Variants in BCHE observed in about 807,000 individuals in gnomAD.
BCHE encodes butyrylcholinesterase, also known as cholinesterase.
A neutral mutation model predicts 51.3 loss-of-function variants in BCHE; 48 were observed. The observed-to-expected ratio is 0.94, with a 90% CI of 0.74 to 1.19. BCHE has a LOEUF of 1.19. Among genes scored for constraint, BCHE ranks in the 50% most tolerant of loss-of-function variants. The pLI is 0.00. For missense variants in BCHE, 847 were observed against 708.2 expected (o/e 1.20, Z -2.23); for synonymous variants, 251 against 238.0 (o/e 1.05, Z -0.50).
chr3:165,778,472 A>C (rs1330485949), intron 3 of BCHE: 1 of 218,424 alleles, frequency 4.6e-6, no homozygotes, highest in Non-Finnish European at 1.0e-5. Context: ...TTTCTCATTT[A>C]AAATTACTAA....
intron 3 of BCHE, among the ~76,000 whole-genome samples, chr3:165,781,854 ATAAT>A (rs987071751): frequency 5.3e-5 from 8 of 152,312 alleles, no homozygotes; most frequent in African/African-American, 1.9e-4. Flanking sequence ...GGTATGAAAA[ATAAT>A]AAATAATAAA....
chr3:165,828,384 C>T (rs936013192), intron 2 of BCHE, among the ~76,000 whole-genome samples: 3 of 151,956 alleles, frequency 2.0e-5, no homozygotes, highest in Admixed American at 6.6e-5. Flanking sequence ...CCTTTTAATG[C>T]TAGGTGGAAG....
intron 2 of BCHE, among the ~76,000 whole-genome samples, chr3:165,822,052 G>A (rs1217976414): frequency 6.6e-6 from 1 of 151,974 alleles, no homozygotes; most frequent in Non-Finnish European, 1.5e-5. Flanking sequence ...GTGCTGTGAT[G>A]TTACTTCCAA....
rs539504704 is a variant in BCHE at position 165,829,715 on chromosome 3, C to G, written c.1319G>C (p.Trp440Ser). 1.9e-4 allele frequency: 306 copies of G among 1,613,876 alleles called. 3 individuals carry two copies. In the South Asian group the frequency reaches 3.2e-3, roughly 17 times the overall value. ...ATAGTAGAAAAAGGCATTATTTCCC[C>G]ATTCTGAGAACTTCTTGGTGAACTC... ...ALEFTKKFSE[W>S]GNNAFFYYFE... The change falls in exon 2 of 4, where the codon TGG becomes TCG. Residue 440 changes from tryptophan (W) to serine (S), a missense_variant. Transcript: ENST00000264381.
intron 1 of BCHE, among the ~76,000 whole-genome samples, chr3:165,834,164 T>C (rs907238448): frequency 5.9e-5 from 9 of 152,092 alleles, no homozygotes; most frequent in African/African-American, 1.9e-4. Context: ...TCATTGTTTA[T>C]GTTAAACAGT....
At chr3:165,818,661 G>A (rs1714395184) in intron 2 of BCHE, among the ~76,000 whole-genome samples, 1 of 151,950 alleles carries the variant, frequency 6.6e-6, no homozygotes, top group Non-Finnish European at 1.5e-5. Context: ...TCTAGTAAAT[G>A]GAAACTACCA....
chr3:165,794,310 A>T (rs1183936802), intron 2 of BCHE, among the ~76,000 whole-genome samples: 1 of 152,166 alleles, frequency 6.6e-6, no homozygotes, highest in Non-Finnish European at 1.5e-5. Context: ...TGAATCTTTA[A>T]AGATAAAAGA....
chr3:165,825,286 T>C (rs998362871), intron 2 of BCHE, among the ~76,000 whole-genome samples: 51 of 152,044 alleles, frequency 3.4e-4, no homozygotes, highest in African/African-American at 1.1e-3. Context: ...AATATTTATA[T>C]GGGAAATAAT....
At chr3:165,791,082 G>T (rs1713146308) in intron 2 of BCHE, among the ~76,000 whole-genome samples, 1 of 152,026 alleles carries the variant, frequency 6.6e-6, no homozygotes, top group Non-Finnish European at 1.5e-5. Context: ...AGGTCACGAG[G>T]TCAGAAGTTC....
At chr3:165,835,320 A>G (rs915036477) in intron 1 of BCHE, among the ~76,000 whole-genome samples, 7 of 151,844 alleles carry the variant, frequency 4.6e-5, no homozygotes, top group East Asian at 3.8e-4. Flanking sequence ...ATAAAGAGCT[A>G]TTTTTTGGGA....
chr3:165,799,975 G>T (rs887166740), intron 2 of BCHE, among the ~76,000 whole-genome samples: 1 of 151,872 alleles, frequency 6.6e-6, no homozygotes, highest in Middle Eastern at 3.4e-3. Flanking sequence ...CTATTTGAAA[G>T]TGTTACAATG....
At chr3:165,816,785 G>GT (rs1714327703) in intron 2 of BCHE, among the ~76,000 whole-genome samples, 1 of 151,832 alleles carries the variant, frequency 6.6e-6, no homozygotes, top group South Asian at 2.1e-4. Flanking sequence ...TCTCTCTACA[G>GT]TTTTTTCTTC....
intron 3 of BCHE, chr3:165,777,790 C>T: frequency 2.2e-6 from 1 of 453,316 alleles, no homozygotes; most frequent in Non-Finnish European, 4.5e-6. Context: ...CCTCCTACTC[C>T]TCAGCCTACT....
rs1361542359 is a variant in BCHE, at chr3:165,830,054, A to T, written c.980T>A (p.Leu327His). ...NFGPTVDGDFLTDMPDILLEL... is the reference protein window; with the variant it reads ...NFGPTVDGDFHTDMPDILLEL... ...AAGTAATATGTCTGGCATGTCAGTG[A>T]GAAAATCACCATCCACGGTCGGACC... The change falls in exon 2 of 4, where the codon CTC becomes CAC. Residue 327 changes from leucine to histidine, a missense_variant. Transcript: ENST00000264381. 6.2e-7 allele frequency: 1 copy of T among 1,613,748 alleles called. No homozygotes were observed. The highest frequency in any genetic ancestry group is 1.7e-5 in the Admixed American group (1 of 59,908).
intron 2 of BCHE, among the ~76,000 whole-genome samples, chr3:165,791,063 G>A (rs1239963252): frequency 3.9e-5 from 6 of 152,054 alleles, no homozygotes; most frequent in Admixed American, 2.0e-4. Flanking sequence ...TTGGGAGGCC[G>A]AGGTGGGCAG....
At chr3:165,800,383 C>T (rs1284923734) in intron 2 of BCHE, among the ~76,000 whole-genome samples, 2 of 152,060 alleles carry the variant, frequency 1.3e-5, no homozygotes, top group East Asian at 3.9e-4. Context: ...GCATTCAGGC[C>T]CTACTAGAAT....
At chr3:165,791,825 G>A (rs116805011) in intron 2 of BCHE, among the ~76,000 whole-genome samples, 264 of 152,234 alleles carry the variant, frequency 1.7e-3, no homozygotes, top group African/African-American at 6.2e-3. Context: ...GATCATGCCT[G>A]TGATCCCAGC....
In BCHE at chr3:165,830,354, G is replaced by A; in HGVS notation, c.680C>T (p.Ala227Val). 6.2e-7 allele frequency: 1 copy of A among 1,613,984 alleles called. No individual in the cohort carries two copies. The change falls in exon 2 of 4, where the codon GCA (alanine) becomes GTA (valine). Residue 227 changes from alanine (A) to valine (V), a missense_variant. Ala to Val is a moderately conservative substitution (Grantham distance 64). Transcript: ENST00000264381. The stretch of plus-strand genomic sequence containing the variant: ...ATGCAGGCTAACTGAAGCTGCTCCT[G>A]CACTTTCTCCAAAGAGAGTTACACT... ...PKSVTLFGES[A>V]GAASVSLHLL...
At chr3:165,785,655 T>A (rs1256059949) in intron 3 of BCHE, among the ~76,000 whole-genome samples, 1 of 151,672 alleles carries the variant, frequency 6.6e-6, no homozygotes, top group East Asian at 1.9e-4. Flanking sequence ...GTTCAGAATA[T>A]TTAGAAATTT....
Sources: allele counts gnomAD v4.1 joint callset (sites outside exome capture counted in the v4.1 genomes callset), GRCh38; gene constraint gnomAD v4.1.1; transcripts MANE v1.5; gene names NCBI Gene and HGNC (gene_info 2026-07-23, HGNC 2026-07-21).